The following EVC2 variants were observed in gnomAD, a reference collection of about 807,000 sequenced individuals.
EVC2 encodes limbin.
A neutral mutation model predicts 149.3 loss-of-function variants in EVC2; 148 were observed. The ratio of observed to expected loss-of-function variants is 0.99; its 90% CI spans 0.87 to 1.14. The LOEUF (loss-of-function observed/expected upper bound fraction) is 1.14, where lower values mean the gene tolerates loss of function less well. Ranked by LOEUF, EVC2 falls within the 50% of genes most tolerant of loss-of-function variation. The pLI is 0.00. For missense variants in EVC2, 1,854 were observed against 1,627.3 expected, an observed-to-expected ratio of 1.14 and a Z score of -2.40; for synonymous variants, 776 against 649.9, an observed-to-expected ratio of 1.19 and a Z score of -2.95.
intron 10 of EVC2, among the ~76,000 whole-genome samples, chr4:5,634,816 T>A (rs7670721): frequency 0.039 from 5,909 of 151,968 alleles, 354 homozygotes; most frequent in African/African-American, 0.13. Flanking sequence ...TCCAAATGAG[T>A]GAGGCTGCCT....
downstream of EVC2, among the ~76,000 whole-genome samples, chr4:5,541,828 T>A (rs1435436112): frequency 6.6e-6 from 1 of 152,178 alleles, no homozygotes; most frequent in African/African-American, 2.4e-5. Context: ...GGGCCTGTTC[T>A]ACGTAATAAG....
At chr4:5,540,961 G>C (rs1392906989), downstream of EVC2, among the ~76,000 whole-genome samples, 1 of 152,132 alleles carries the variant, frequency 6.6e-6, no homozygotes, top group Non-Finnish European at 1.5e-5. Context: ...AAGCCCTTTA[G>C]GTTTTAGGCT....
intron 14 of EVC2, among the ~76,000 whole-genome samples, chr4:5,620,228 C>T (rs1309514748): frequency 4.6e-5 from 7 of 152,144 alleles, no homozygotes; most frequent in Admixed American, 1.3e-4. Flanking sequence ...GCCTTTGCCC[C>T]GCTGTTTGCT....
At chr4:5,585,536 A>T (rs1401000881) in intron 16 of EVC2, among the ~76,000 whole-genome samples, 1 of 152,216 alleles carries the variant, frequency 6.6e-6, no homozygotes, top group African/African-American at 2.4e-5. Context: ...CTTCATCTAT[A>T]AAGTGGAGAA....
intron 19 of EVC2, among the ~76,000 whole-genome samples, chr4:5,571,777 CT>C (rs1170457910): frequency 6.6e-6 from 1 of 152,166 alleles, no homozygotes; most frequent in Non-Finnish European, 1.5e-5. Context: ...GAGCATTCCT[CT>C]TGTTGTTTCT....
At chr4:5,681,004 C>T (rs1374980478) in intron 7 of EVC2, among the ~76,000 whole-genome samples, 1 of 152,222 alleles carries the variant, frequency 6.6e-6, no homozygotes, top group Non-Finnish European at 1.5e-5. Flanking sequence ...GACAGTAGCA[C>T]AGACGGGCTG....
intron 16 of EVC2, among the ~76,000 whole-genome samples, chr4:5,604,463 A>T (rs1714230847): frequency 6.6e-6 from 1 of 152,206 alleles, no homozygotes. Context: ...AAAGACAAAC[A>T]TCACATGTTC....
At chr4:5,623,938 C>T (rs979581547) in intron 13 of EVC2, among the ~76,000 whole-genome samples, 10 of 152,174 alleles carry the variant, frequency 6.6e-5, no homozygotes, top group African/African-American at 1.2e-4. Flanking sequence ...GAGTAGTTTA[C>T]GCCAATGAAC....
intron 8 of EVC2, among the ~76,000 whole-genome samples, chr4:5,664,405 T>C (rs148813112): frequency 9.2e-5 from 14 of 152,316 alleles, no homozygotes; most frequent in Middle Eastern, 3.4e-3. Context: ...ATCAAATTCA[T>C]ACTCTTGCTT....
At chr4:5,532,586 C>T in the EVC2 span, among the ~76,000 whole-genome samples, 1 of 152,286 alleles carries the variant, frequency 6.6e-6, no homozygotes, top group East Asian at 1.9e-4. Flanking sequence ...CAGCCCACCT[C>T]ATCTGCCAGC....
downstream of EVC2, among the ~76,000 whole-genome samples, chr4:5,561,539 A>T (rs1412653605): frequency 6.6e-6 from 1 of 152,110 alleles, no homozygotes; most frequent in East Asian, 1.9e-4. Context: ...GAGAAGTGCA[A>T]CCCCAGCGAA....
chr4:5,611,325 G>A (rs937789215), intron 16 of EVC2, among the ~76,000 whole-genome samples: 4 of 152,114 alleles, frequency 2.6e-5, no homozygotes, highest in Non-Finnish European at 4.4e-5. Flanking sequence ...GGAGATTCAC[G>A]CTCATGAAGA....
intron 8 of EVC2, 41 bp downstream of exon 8, chr4:5,665,474 C>G: frequency 6.2e-7 from 1 of 1,613,536 alleles, no homozygotes. Flanking sequence ...ACTTCAACCT[C>G]ACATTCACCA....
rs1276820671 is a variant in EVC2 at position 5,563,052 on chromosome 4, C to G, written c.3723G>C (p.Trp1241Cys). 6.2e-7 allele frequency: 1 copy of G among 1,614,022 alleles called. No individual in the cohort carries two copies. The highest frequency in any genetic ancestry group is 8.5e-7 in the Non-Finnish European group (1 of 1,180,034). Reference protein sequence around the residue: ...ERMIFSGKGSWPHLSLEPIGE... With the variant: ...ERMIFSGKGSCPHLSLEPIGE... The stretch of plus-strand genomic sequence containing the variant: ...CAATGGGCTCCAGTGACAGGTGTGG[C>G]CAACTTCCTTTTCCAGAGAATATCA... Residue 1241 changes from tryptophan to cysteine, a missense_variant, in exon 22 of 22, where the codon TGG becomes TGC. Coordinates refer to ENST00000344408, the MANE Select transcript of EVC2 (RefSeq NM_147127.5).
At position 5,667,610 on chromosome 4, in the gene EVC2, G is replaced by A. The variant is rs181350931; in HGVS notation, c.871-1961C>T. ...AGCAAAAAGACACAAAGCAAAGTCA[G>A]AAAAGGGAAGAATGGAGTAAAGCCC... On this transcript the variant is annotated intron_variant, in intron 7 of 21. Coordinates refer to ENST00000344408, the MANE Select transcript of EVC2 (RefSeq NM_147127.5). Among the ~76,000 whole-genome samples, 55 of 152,286 alleles carry A rather than the reference G, an allele frequency of 3.6e-4. 1 individual carries two copies. The highest frequency in any genetic ancestry group is 1.3e-3 in the African/African-American group (52 of 41,552).
At chr4:5,605,252 C>T (rs942786531) in intron 16 of EVC2, among the ~76,000 whole-genome samples, 11 of 152,280 alleles carry the variant, frequency 7.2e-5, no homozygotes, top group East Asian at 3.9e-4. Flanking sequence ...AGGACTTAGC[C>T]GAAGACTTGA....
At chr4:5,590,330 A>C (rs1483967074) in intron 16 of EVC2, among the ~76,000 whole-genome samples, 2 of 152,192 alleles carry the variant, frequency 1.3e-5, no homozygotes, top group East Asian at 1.9e-4. Context: ...GTGATCAATA[A>C]AAATAAAATT....
At chr4:5,652,561 A>G (rs139478541) in intron 9 of EVC2, among the ~76,000 whole-genome samples, 117 of 152,286 alleles carry the variant, frequency 7.7e-4, no homozygotes, top group Non-Finnish European at 1.2e-3. Context: ...AACGGTAGGC[A>G]GCTGTGCCAG....
chr4:5,708,146 G>A (rs1003330694), intron 1 of EVC2, 140 bp downstream of exon 1: 20 of 709,592 alleles, frequency 2.8e-5, no homozygotes, highest in Non-Finnish European at 4.0e-5. Flanking sequence ...TACACCTAAG[G>A]GCCGCGAAGC....
Sources: gnomAD v4.1 joint callset for allele counts (sites outside exome capture counted in the v4.1 genomes callset) on GRCh38, gnomAD v4.1.1 for gene constraint, MANE v1.5 for transcripts, NCBI Gene and HGNC (gene_info 2026-07-23, HGNC 2026-07-21) for gene names.